The following CDK12 variants were observed in gnomAD, a reference collection of about 807,000 sequenced individuals.
CDK12 encodes cyclin-dependent kinase 12.
CDK12 carries 17 observed loss-of-function variants against 133.8 expected under a neutral mutation model. The ratio of observed to expected loss-of-function variants is 0.13; its 90% CI spans 0.09 to 0.19. CDK12 has a LOEUF of 0.19. Among genes scored for constraint, CDK12 ranks in the 10% least tolerant of loss-of-function variants. The probability of loss-of-function intolerance (pLI) is 1.00; values close to 1 mark genes in which losing one functional copy is unlikely to be tolerated. For synonymous variants in CDK12, 694 were observed against 683.6 expected (o/e 1.02, Z -0.24); for missense variants, 1,508 against 1,818.7 (o/e 0.83, Z 3.11).
chr17:39,532,102 T>C lies in CDK12; in HGVS notation c.*786T>C, dbSNP rs62077495. The C allele has an allele frequency of 8.1e-4, 178 of 218,590 alleles. No individual in the cohort carries two copies. The highest frequency in any genetic ancestry group is 1.7e-3 in the Admixed American group (28 of 16,418). The allele number at this position is 218,590 out of a possible 1,614,324, so 13.5% of individuals were successfully genotyped here. On this transcript the variant is annotated 3_prime_UTR_variant, in exon 14 of 14. Transcript: ENST00000447079. ...GCTGATGTGTGCTCTCTCTCTCTCT[T>C]TCTCTCTCTCTCTCTCTCTCTCTCT...
intron 6 of CDK12, among the ~76,000 whole-genome samples, chr17:39,504,684 G>C (rs1367595167): frequency 4.6e-5 from 7 of 151,620 alleles, no homozygotes; most frequent in Non-Finnish European, 5.9e-5. Flanking sequence ...TTCGAGACCA[G>C]CCTGGCCAAC....
intron 2 of CDK12, among the ~76,000 whole-genome samples, chr17:39,487,983 C>T (rs578035322): frequency 5.3e-5 from 8 of 152,014 alleles, no homozygotes; most frequent in African/African-American, 1.4e-4. Flanking sequence ...CTGGGCCATA[C>T]GTGGTAGGAG....
At chr17:39,502,444 C>T (rs2052790550) in intron 6 of CDK12, among the ~76,000 whole-genome samples, 1 of 152,196 alleles carries the variant, frequency 6.6e-6, no homozygotes, top group Non-Finnish European at 1.5e-5. Flanking sequence ...TGAGCCACCA[C>T]GCCTGGCCGG....
chr17:39,485,649 A>G (rs754372394), intron 2 of CDK12, among the ~76,000 whole-genome samples: 3 of 151,428 alleles, frequency 2.0e-5, no homozygotes, highest in Non-Finnish European at 4.4e-5. Flanking sequence ...TCCTGACCTC[A>G]TGATCCCCGG....
chr17:39,468,185 G>C (rs192876385), intron 1 of CDK12, among the ~76,000 whole-genome samples: 1 of 152,056 alleles, frequency 6.6e-6, no homozygotes, highest in Non-Finnish European at 1.5e-5. Flanking sequence ...GTGAGCCACC[G>C]CGCCCAGCTT....
chr17:39,477,289 G>A (rs1347521793), intron 2 of CDK12, among the ~76,000 whole-genome samples: 1 of 151,970 alleles, frequency 6.6e-6, no homozygotes, highest in African/African-American at 2.4e-5. Flanking sequence ...AGGCTGGAGT[G>A]TAGTGGCGCG....
At chr17:39,522,529 G>A (rs1027493107) in intron 11 of CDK12, among the ~76,000 whole-genome samples, 1 of 151,638 alleles carries the variant, frequency 6.6e-6, no homozygotes, top group Non-Finnish European at 1.5e-5. Flanking sequence ...CCACCTCCCG[G>A]CTTCAAGCGA....
intron 5 of CDK12, among the ~76,000 whole-genome samples, chr17:39,497,619 A>C (rs2052230966): frequency 1.3e-5 from 2 of 151,574 alleles, no homozygotes; most frequent in South Asian, 4.2e-4. Flanking sequence ...TTTAATTTTT[A>C]TTTTTTGAGA....
At chr17:39,519,445 G>T (rs1402263963) in intron 10 of CDK12, among the ~76,000 whole-genome samples, 4 of 151,040 alleles carry the variant, frequency 2.6e-5, no homozygotes, top group Admixed American at 2.6e-4. Flanking sequence ...AGAATTACAG[G>T]CGTGCATCAC....
At chr17:39,560,930 G>A (rs929575549) in intron 3 of CDK12, among the ~76,000 whole-genome samples, 7 of 152,180 alleles carry the variant, frequency 4.6e-5, no homozygotes, top group South Asian at 2.1e-4. Context: ...CAGGAGAATC[G>A]CCTCCACCAG....
chr17:39,487,607 ATTTTT>A (rs887590343), intron 2 of CDK12, among the ~76,000 whole-genome samples: 1 of 96,364 alleles, frequency 1.0e-5, no homozygotes, highest in South Asian at 3.0e-4. Context: ...GCATGACACA[ATTTTT>A]TTTTTTTTTT....
chr17:39,471,263 T>C lies in CDK12; in HGVS notation c.1431T>C (p.Asp477=). 1 of 1,612,116 alleles carries C rather than the reference T, an allele frequency of 6.2e-7. No individual in the cohort carries two copies. Among genetic ancestry groups the C allele is most frequent in the Non-Finnish European group, 8.5e-7 (1 of 1,179,498 alleles). ...HLNTEVKNSS[D]TGKVKLDENS... is the part of the protein sequence containing the mutation. ...ACACAGAGGTAAAAAATTCTTCAGA[T>C]ACAGGGAAAGTAAAGTTGGATGAGA... The change falls in exon 2 of 14, where the codon GAT becomes GAC. Residue 477 remains aspartate (D), a synonymous_variant. Transcript: ENST00000447079.
intron 9 of CDK12, among the ~76,000 whole-genome samples, chr17:39,516,156 T>C (rs1381401952): frequency 6.6e-6 from 1 of 152,190 alleles, no homozygotes; most frequent in African/African-American, 2.4e-5. Flanking sequence ...CATTAAACTT[T>C]AGGATTCAGA....
chr17:39,486,931 C>A (rs1301514966), intron 2 of CDK12, among the ~76,000 whole-genome samples: 1 of 152,084 alleles, frequency 6.6e-6, no homozygotes, highest in Non-Finnish European at 1.5e-5. Flanking sequence ...TCACTTGAAC[C>A]CAGGAGGCAG....
intron 2 of CDK12, among the ~76,000 whole-genome samples, chr17:39,552,035 T>C (rs538671025): frequency 3.9e-5 from 6 of 152,156 alleles, no homozygotes; most frequent in African/African-American, 1.2e-4. Context: ...AGAGTTGCCT[T>C]CTCTTCCCCA....
rs1172086295 is a variant in CDK12, at chr17:39,542,190, CT to C, written c.451-2046del. ...GTGTGTGTGTATCTTAAAGAATAAT[CT>C]TTTTTTTTTTTTGAGACGGAGTTTC... On this transcript the variant is annotated intron_variant and NMD_transcript_variant, in intron 1 of 4. Coordinates refer to the CDK12 transcript ENST00000559663. 5.3e-3 allele frequency among the ~76,000 whole-genome samples: 774 copies of C among 145,080 alleles called. 5 individuals carry two copies. The highest frequency in any genetic ancestry group is 4.0e-3 in the Non-Finnish European group (266 of 65,810).
chr17:39,492,701 G>A (rs112834725), intron 3 of CDK12, 50 bp from the exon 4 acceptor site: 138 of 1,514,798 alleles, frequency 9.1e-5, no homozygotes, highest in Middle Eastern at 8.8e-4. Context: ...GAGCCACCGC[G>A]CCCGGCCTTC....
In CDK12 at chr17:39,526,233, G is replaced by A. The variant is rs761496694; in HGVS notation, c.3677G>A (p.Ser1226Asn). 1.2e-6 allele frequency: 2 copies of A among 1,613,026 alleles called. No homozygotes were observed. The highest frequency in any genetic ancestry group is 1.7e-6 in the Non-Finnish European group (2 of 1,179,526). ...ATGAAAACCCAAGAGCCAGCAGGCAGTCTGGAGGAAAACAACAGTGACAAG... is the reference window on the plus strand; with the variant it reads ...ATGAAAACCCAAGAGCCAGCAGGCAATCTGGAGGAAAACAACAGTGACAAG... ...QLMKTQEPAG[S>N]LEENNSDKNS... The change falls in exon 13 of 14, where the codon AGT becomes AAT. Residue 1226 changes from serine (S) to asparagine (N), a missense_variant. Coordinates refer to ENST00000447079, the MANE Select transcript of CDK12 (RefSeq NM_016507.4).
chr17:39,503,003 C>T (rs1239962227), intron 6 of CDK12, among the ~76,000 whole-genome samples: 1 of 152,078 alleles, frequency 6.6e-6, no homozygotes, highest in Non-Finnish European at 1.5e-5. Context: ...CACTTGAACC[C>T]AGGAGGTAGA....
Sources: allele counts gnomAD v4.1 joint callset (sites outside exome capture counted in the v4.1 genomes callset), GRCh38; gene constraint gnomAD v4.1.1; transcripts MANE v1.5; gene names NCBI Gene and HGNC (gene_info 2026-07-23, HGNC 2026-07-21).